Variants in ISM1 observed in about 807,000 individuals in gnomAD.
The protein encoded by ISM1 is isthmin-1.
A neutral mutation model predicts 46.3 loss-of-function variants in ISM1; 25 were observed. That is an observed-to-expected ratio of 0.54 (90% CI 0.39 to 0.75). The LOEUF is 0.75. ISM1 is among the 30% of genes least tolerant of loss of function. The probability of loss-of-function intolerance (pLI) is 0.00; values close to 1 mark genes in which losing one functional copy is unlikely to be tolerated. For missense variants in ISM1, 536 were observed against 625.4 expected (o/e 0.86, Z 1.52); for synonymous variants, 255 against 256.7 (o/e 0.99, Z 0.06).
At chr20:13,271,735 C>T (rs184590152) in intron 2 of ISM1, among the ~76,000 whole-genome samples, 8 of 152,282 alleles carry the variant, frequency 5.3e-5, no homozygotes, top group East Asian at 3.9e-4. Context: ...GCTCATCCCC[C>T]GGGCAACCCA....
intron 2 of ISM1, among the ~76,000 whole-genome samples, chr20:13,274,504 A>G (rs1406670054): frequency 1.3e-5 from 2 of 152,040 alleles, no homozygotes; most frequent in African/African-American, 4.8e-5. Flanking sequence ...GGAGCCTGGG[A>G]GCTGAATGGG....
At chr20:13,315,462 A>G in the ISM1 span, among the ~76,000 whole-genome samples, 1 of 152,184 alleles carries the variant, frequency 6.6e-6, no homozygotes, top group South Asian at 2.1e-4. Context: ...TGATGATAAA[A>G]GGATCAAGTC....
At chr20:13,264,997 T>C (rs1383746866) in intron 1 of ISM1, among the ~76,000 whole-genome samples, 1 of 152,186 alleles carries the variant, frequency 6.6e-6, no homozygotes, top group Non-Finnish European at 1.5e-5. Context: ...CAGCGCAGTG[T>C]GATAGAAGGC....
chr20:13,271,838 G>A (rs1006529807), intron 2 of ISM1, among the ~76,000 whole-genome samples: 7 of 148,552 alleles, frequency 4.7e-5, no homozygotes, highest in Non-Finnish European at 4.5e-5. Flanking sequence ...ACAATGGCAC[G>A]ATCATAGCTT....
intron 1 of ISM1, among the ~76,000 whole-genome samples, chr20:13,254,088 T>C (rs919328436): frequency 9.4e-5 from 14 of 149,486 alleles, no homozygotes; most frequent in Non-Finnish European, 2.1e-4. Flanking sequence ...AATACAAACA[T>C]TAGGCATGGT....
chr20:13,229,830 A>C (rs941683772), intron 1 of ISM1, among the ~76,000 whole-genome samples: 2 of 152,024 alleles, frequency 1.3e-5, no homozygotes, highest in African/African-American at 4.8e-5. Context: ...TCTACCAGAA[A>C]TCCCTCTCTC....
At position 13,221,776 on chromosome 20, in the gene ISM1, G is replaced by T; in HGVS notation, c.-1G>T. 1 of 1,447,434 alleles carries T rather than the reference G, an allele frequency of 6.9e-7. No homozygotes were observed. Among genetic ancestry groups the T allele is most frequent in the Non-Finnish European group, 9.0e-7 (1 of 1,105,166 alleles). The allele number at this position is 1,447,434 out of a possible 1,614,324, so 89.7% of individuals were successfully genotyped here. ...GTCCTAAAGCCGCGCGTCTCAAAAG[G>T]ATGGTGCGCCTGGCGGCCGAGCTGC... On this transcript the variant is annotated 5_prime_UTR_variant, in exon 1 of 6. Coordinates refer to ENST00000262487, the MANE Select transcript of ISM1 (RefSeq NM_080826.2).
intron 5 of ISM1, among the ~76,000 whole-genome samples, chr20:13,294,117 A>G (rs2040383453): frequency 6.6e-6 from 1 of 152,242 alleles, no homozygotes; most frequent in African/African-American, 2.4e-5. Flanking sequence ...ATGAATACCC[A>G]CCCAGTATTG....
the ISM1 span, among the ~76,000 whole-genome samples, chr20:13,308,199 C>G: frequency 2.0e-5 from 3 of 152,156 alleles, no homozygotes; most frequent in Admixed American, 6.5e-5. Context: ...AAGGAATAGA[C>G]AGGAATCCAT....
intron 1 of ISM1, among the ~76,000 whole-genome samples, chr20:13,245,025 A>T (rs2039777031): frequency 6.6e-6 from 1 of 152,256 alleles, no homozygotes; most frequent in South Asian, 2.1e-4. Flanking sequence ...AAGAAAGAAC[A>T]TGCACAACTT....
intron 1 of ISM1, among the ~76,000 whole-genome samples, chr20:13,264,482 G>A (rs1224499487): frequency 1.3e-5 from 2 of 152,140 alleles, no homozygotes; most frequent in African/African-American, 4.8e-5. Flanking sequence ...CATTTCCATA[G>A]CTTTATCTTC....
intron 1 of ISM1, chr20:13,244,479 TA>T (rs1367237055): frequency 6.6e-6 from 1 of 152,160 alleles, no homozygotes; most frequent in African/African-American, 2.4e-5. Context: ...AATTATTTGG[TA>T]AGGCAGCTTT....
Position 13,221,457 on chromosome 20 carries a change from A to C in ISM1, c.-320A>C, listed in dbSNP as rs1416803828. Among the ~76,000 whole-genome samples the C allele has an allele frequency of 1.4e-5, 2 of 142,024 alleles. No individual in the cohort carries two copies. Among genetic ancestry groups the C allele is most frequent in the African/African-American group, 2.5e-5 (1 of 39,388 alleles). The allele number at this position is 142,024 out of a possible 152,430, so 93.2% of individuals were successfully genotyped here. ...CGGGTCCCGGGCTGTCCCGGGACCC[A>C]GTCTCCGTCTCCGCCGCCGCCGCCG... On this transcript the variant is annotated 5_prime_UTR_variant, in exon 1 of 6. Transcript: ENST00000262487.
At chr20:13,272,852 C>G (rs747954568) in intron 2 of ISM1, among the ~76,000 whole-genome samples, 1 of 152,208 alleles carries the variant, frequency 6.6e-6, no homozygotes, top group Non-Finnish European at 1.5e-5. Context: ...TATAGATGTT[C>G]TGGTTCCAGA....
chr20:13,317,795 A>G, the ISM1 span, among the ~76,000 whole-genome samples: 1 of 152,158 alleles, frequency 6.6e-6, no homozygotes, highest in South Asian at 2.1e-4. Flanking sequence ...TTAACTCAAA[A>G]TGAATCATAG....
chr20:13,304,416 T>G (rs929838593), downstream of ISM1, among the ~76,000 whole-genome samples: 3 of 152,206 alleles, frequency 2.0e-5, no homozygotes, highest in Non-Finnish European at 4.4e-5. Flanking sequence ...AGTGCTAAGC[T>G]GGACCCCATT....
At position 13,280,394 on chromosome 20, in the gene ISM1, C is replaced by G. The variant is rs911643; in HGVS notation, c.643+496C>G. Among the ~76,000 whole-genome samples the G allele has an allele frequency of 3.3e-3, 352 of 105,334 alleles. 2 individuals are homozygous for G. Among genetic ancestry groups the G allele is most frequent in the African/African-American group, 0.019 (329 of 17,578 alleles). 69.1% of individuals were successfully genotyped at this position (105,334 alleles called of 152,430 possible). On this transcript the variant is annotated intron_variant, in intron 3 of 5. Coordinates refer to ENST00000262487, the MANE Select transcript of ISM1 (RefSeq NM_080826.2). Reference sequence around the variant, plus strand: ...TGTGTCTCAGGTCTTCAAAGTAACCCCCCCCCCCCAATACATTTCAAAACT... The same window carrying G: ...TGTGTCTCAGGTCTTCAAAGTAACCGCCCCCCCCCAATACATTTCAAAACT...
intron 5 of ISM1, among the ~76,000 whole-genome samples, chr20:13,298,080 T>A (rs1413713106): frequency 6.6e-6 from 1 of 152,076 alleles, no homozygotes; most frequent in Admixed American, 6.5e-5. Flanking sequence ...TTTCTTTATA[T>A]TTTTATTTTT....
At chr20:13,317,758 T>C in the ISM1 span, among the ~76,000 whole-genome samples, 1 of 152,100 alleles carries the variant, frequency 6.6e-6, no homozygotes, top group Non-Finnish European at 1.5e-5. Context: ...ATGAATCTAG[T>C]CACAGACTTT....
Sources: allele counts gnomAD v4.1 joint callset (sites outside exome capture counted in the v4.1 genomes callset), GRCh38; gene constraint gnomAD v4.1.1; transcripts MANE v1.5; gene names NCBI Gene and HGNC (gene_info 2026-07-23, HGNC 2026-07-21).